IGSF21: variants seen among roughly 807,000 people sequenced by gnomAD.
The protein encoded by IGSF21 is immunoglobulin superfamily member 21.
Under a neutral mutation model 46.8 loss-of-function variants are expected in IGSF21, and 28 were observed. That is an observed-to-expected ratio of 0.60 (90% CI 0.44 to 0.82). IGSF21 has a LOEUF of 0.82. Among genes scored for constraint, IGSF21 ranks in the 40% least tolerant of loss-of-function variants. The probability of loss-of-function intolerance (pLI) is 0.00; values close to 1 mark genes in which losing one functional copy is unlikely to be tolerated. For missense variants in IGSF21, 624 were observed against 665.5 expected, an observed-to-expected ratio of 0.94 and a Z score of 0.69; for synonymous variants, 284 against 273.6, an observed-to-expected ratio of 1.04 and a Z score of -0.38.
intron 1 of IGSF21, among the ~76,000 whole-genome samples, chr1:18,129,364 A>C (rs2086299190): frequency 6.6e-6 from 1 of 152,124 alleles, no homozygotes; most frequent in South Asian, 2.1e-4. Flanking sequence ...GGGTCAGCAG[A>C]GGGGGACCCT....
chr1:18,256,977 A>T (rs538085166), intron 2 of IGSF21, among the ~76,000 whole-genome samples: 2 of 152,018 alleles, frequency 1.3e-5, no homozygotes, highest in African/African-American at 4.8e-5. Context: ...TAGCTCACCC[A>T]TCTCAGTTGC....
At chr1:18,296,547 C>T (rs1385099232) in intron 3 of IGSF21, among the ~76,000 whole-genome samples, 1 of 152,192 alleles carries the variant, frequency 6.6e-6, no homozygotes, top group Non-Finnish European at 1.5e-5. Flanking sequence ...TGCTGCCTTC[C>T]TCCAGGTACA....
At chr1:18,165,865 T>C (rs2086673970) in intron 1 of IGSF21, among the ~76,000 whole-genome samples, 1 of 152,240 alleles carries the variant, frequency 6.6e-6, no homozygotes, top group South Asian at 2.1e-4. Flanking sequence ...CACAAGTTAC[T>C]TCCTCCTTCC....
intron 4 of IGSF21, among the ~76,000 whole-genome samples, chr1:18,341,509 C>G (rs1041035418): frequency 6.6e-5 from 10 of 152,202 alleles, no homozygotes; most frequent in Non-Finnish European, 1.5e-4. Context: ...TCTCTGCTCC[C>G]AACCCCGTGG....
intron 1 of IGSF21, among the ~76,000 whole-genome samples, chr1:18,193,369 G>T (rs1255492650): frequency 6.6e-6 from 1 of 152,100 alleles, no homozygotes; most frequent in Admixed American, 6.5e-5. Flanking sequence ...ATTAGCCAGG[G>T]TTCTCTAGAG....
intron 4 of IGSF21, chr1:18,361,829 C>T (rs1569877317): frequency 6.3e-6 from 2 of 319,804 alleles, no homozygotes; most frequent in Admixed American, 4.7e-5. Flanking sequence ...CTGATGCCTC[C>T]GGGGATCTGA....
At chr1:18,203,412 G>A (rs553862256) in intron 1 of IGSF21, among the ~76,000 whole-genome samples, 20 of 152,262 alleles carry the variant, frequency 1.3e-4, no homozygotes, top group East Asian at 7.7e-4. Context: ...AGGTTCAAGC[G>A]ATTCTTGTGC....
At chr1:18,276,934 T>C (rs559205791) in intron 2 of IGSF21, among the ~76,000 whole-genome samples, 10 of 152,236 alleles carry the variant, frequency 6.6e-5, no homozygotes, top group African/African-American at 2.4e-4. Context: ...TATCAGAACT[T>C]TTATATAACT....
intron 2 of IGSF21, among the ~76,000 whole-genome samples, chr1:18,279,607 G>A (rs894453902): frequency 1.3e-5 from 2 of 152,220 alleles, no homozygotes; most frequent in African/African-American, 4.8e-5. Flanking sequence ...TCCGCTACCA[G>A]TGAGTGGCTG....
At chr1:18,314,667 G>A (rs959088769) in intron 3 of IGSF21, among the ~76,000 whole-genome samples, 2 of 152,186 alleles carry the variant, frequency 1.3e-5, no homozygotes, top group Non-Finnish European at 2.9e-5. Flanking sequence ...AGTGAAGCTG[G>A]GACCCAGCCA....
intron 2 of IGSF21, among the ~76,000 whole-genome samples, chr1:18,272,222 T>C (rs2085049551): frequency 6.7e-6 from 1 of 149,966 alleles, no homozygotes; most frequent in Non-Finnish European, 1.5e-5. Context: ...ACTAGAACAG[T>C]ATAGGGGAAA....
At chr1:18,254,758 T>C (rs11799628) in intron 2 of IGSF21, among the ~76,000 whole-genome samples, 11,728 of 152,250 alleles carry the variant, frequency 0.077, 1,040 homozygotes, top group African/African-American at 0.21. Flanking sequence ...GTGGCTCTGT[T>C]CCACTTCTGG....
chr1:18,333,503 A>G (rs2124605054), intron 3 of IGSF21, among the ~76,000 whole-genome samples: 1 of 152,318 alleles, frequency 6.6e-6, no homozygotes, highest in Non-Finnish European at 1.5e-5. Context: ...TCCTGCAGGG[A>G]CATCATTGCA....
intron 2 of IGSF21, among the ~76,000 whole-genome samples, chr1:18,242,069 G>A (rs530399510): frequency 2.5e-4 from 36 of 145,190 alleles, no homozygotes; most frequent in Non-Finnish European, 4.6e-4. Flanking sequence ...TCACCCTGCC[G>A]GAGCCATCTG....
chr1:18,206,740 A>G (rs1402221760), intron 1 of IGSF21, among the ~76,000 whole-genome samples: 1 of 152,186 alleles, frequency 6.6e-6, no homozygotes, highest in Non-Finnish European at 1.5e-5. Context: ...CTTCTGGGCC[A>G]TGGAGAGGAC....
At chr1:18,304,730 T>C (rs5009444) in intron 3 of IGSF21, among the ~76,000 whole-genome samples, 2,008 of 128,066 alleles carry the variant, frequency 0.016, 24 homozygotes, top group African/African-American at 0.028. Flanking sequence ...CACACACACA[T>C]ACACACACAC....
At chr1:18,243,963 G>A (rs1186958732) in intron 2 of IGSF21, among the ~76,000 whole-genome samples, 1 of 152,192 alleles carries the variant, frequency 6.6e-6, no homozygotes, top group African/African-American at 2.4e-5. Flanking sequence ...ATGGGATGGT[G>A]ATAATAGCAC....
At chr1:18,298,626 G>C (rs1008654341) in intron 3 of IGSF21, among the ~76,000 whole-genome samples, 2 of 152,202 alleles carry the variant, frequency 1.3e-5, no homozygotes, top group African/African-American at 4.8e-5. Flanking sequence ...AGGGAGACTC[G>C]GGAGAGCTGG....
At chr1:18,123,130 C>T (rs1042681954) in intron 1 of IGSF21, among the ~76,000 whole-genome samples, 1 of 152,082 alleles carries the variant, frequency 6.6e-6, no homozygotes, top group Non-Finnish European at 1.5e-5. Context: ...CCCACTCTCC[C>T]GGGTCCGTAA....
Sources: gnomAD v4.1 joint callset for allele counts (sites outside exome capture counted in the v4.1 genomes callset) on GRCh38, gnomAD v4.1.1 for gene constraint, MANE v1.5 for transcripts, NCBI Gene and HGNC (gene_info 2026-07-23, HGNC 2026-07-21) for gene names.